IL18RAP: variants seen among roughly 807,000 people sequenced by gnomAD.
IL18RAP encodes interleukin 18 receptor accessory protein.
IL18RAP carries 37 observed loss-of-function variants against 58.1 expected under a neutral mutation model. The ratio of observed to expected loss-of-function variants is 0.64; its 90% CI spans 0.49 to 0.84. IL18RAP has a LOEUF of 0.84. Among genes scored for constraint, IL18RAP ranks in the 40% least tolerant of loss-of-function variants. IL18RAP has a pLI of 0.00. For missense variants in IL18RAP, 667 were observed against 704.8 expected (o/e 0.95, Z 0.61); for synonymous variants, 268 against 257.5 (o/e 1.04, Z -0.39).
chr2:102,424,404 C>T lies in IL18RAP; in HGVS notation c.569C>T (p.Thr190Ile). The change falls in exon 3 of 10, where the codon ACC (threonine) becomes ATC (isoleucine). Residue 190 changes from threonine to isoleucine, a missense_variant. Transcript: ENST00000687160. ...AGTGATGCACAAAGTCCAGCGGTAA[C>T]CTGGTACAAGGTAAGAGTGAATTCT... ...CQSDAQSPAVTWYKNGKLLSV... is the reference protein window; with the variant it reads ...CQSDAQSPAVIWYKNGKLLSV... The T allele has an allele frequency of 1.9e-6, 3 of 1,613,622 alleles. No homozygotes were observed. Among genetic ancestry groups the T allele is most frequent in the Non-Finnish European group, 2.5e-6 (3 of 1,179,664 alleles).
At chr2:102,446,952 T>C (rs1683458536) in intron 7 of IL18RAP, 118 bp from the exon 8 acceptor site, 1 of 1,132,670 alleles carries the variant, frequency 8.8e-7, no homozygotes, top group East Asian at 2.4e-5. Flanking sequence ...GTGGCAATGA[T>C]TTTGATAAAA....
chr2:102,433,788 C>T (rs1682556159), intron 3 of IL18RAP, among the ~76,000 whole-genome samples: 1 of 151,998 alleles, frequency 6.6e-6, no homozygotes, highest in South Asian at 2.1e-4. Flanking sequence ...TCAGGTGATC[C>T]ACCTGCCTCG....
chr2:102,443,470 G>A (rs962476499), intron 6 of IL18RAP, 147 bp downstream of exon 6: 20 of 830,636 alleles, frequency 2.4e-5, no homozygotes, highest in Non-Finnish European at 3.5e-5. Context: ...AAGTGCAAAC[G>A]GCCGTTGAAT....
chr2:102,422,824 T>G (rs372065563), upstream of IL18RAP, among the ~76,000 whole-genome samples: 1 of 152,334 alleles, frequency 6.6e-6, no homozygotes, highest in South Asian at 2.1e-4. Flanking sequence ...GTGAAAAATC[T>G]GACAGTTTTA....
rs866477583 is a variant in IL18RAP at position 102,424,083 on chromosome 2, A to T, written c.343A>T (p.Thr115Ser). The change falls in exon 2 of 10, where the codon ACC becomes TCC. Residue 115 changes from threonine to serine, a missense_variant. By Grantham distance (58) the Thr-to-Ser change is moderately conservative. Transcript: ENST00000687160. The stretch of plus-strand genomic sequence containing the variant: ...GGACAAATGTACCCTTCACTTTTTG[A>T]CCCCAGGGGTGAATAATTCTGGGTC... ...IQDKCTLHFL[T>S]PGVNNSGSYI... 1 of 1,613,914 alleles carries T rather than the reference A, an allele frequency of 6.2e-7. No individual in the cohort carries two copies. The highest frequency in any genetic ancestry group is 1.3e-5 in the African/African-American group (1 of 75,020).
chr2:102,437,149 G>A (rs1295602565), intron 3 of IL18RAP, 63 bp from the exon 4 acceptor site: 3 of 1,475,218 alleles, frequency 2.0e-6, no homozygotes, highest in Non-Finnish European at 2.8e-6. Context: ...TTTTTCTTTA[G>A]GTATGTATTT....
intron 7 of IL18RAP, 87 bp from the exon 8 acceptor site, chr2:102,446,983 C>T (rs748306316): frequency 9.8e-5 from 133 of 1,354,574 alleles, no homozygotes; most frequent in Non-Finnish European, 1.3e-4. Context: ...GGAAAAGGTG[C>T]TGGGTGGGCC....
At chr2:102,437,436 T>A in intron 4 of IL18RAP, 74 bp downstream of exon 4, 2 of 1,460,090 alleles carry the variant, frequency 1.4e-6, no homozygotes, top group Admixed American at 2.0e-5. Flanking sequence ...GCTTAGTAAG[T>A]TTTTCCTCTT....
chr2:102,423,465 A>T, intron 1 of IL18RAP, 118 bp downstream of exon 1: 2 of 921,548 alleles, frequency 2.2e-6, no homozygotes, highest in Non-Finnish European at 3.5e-6. Flanking sequence ...TCCTACTATT[A>T]AAAGGGGACT....
At chr2:102,451,734 C>T (rs760571143) in intron 9 of IL18RAP, 32 bp from the exon 10 acceptor site, 3 of 1,564,482 alleles carry the variant, frequency 1.9e-6, no homozygotes, top group East Asian at 4.5e-5. Context: ...TTAACAATAT[C>T]CATTGCAAAT....
rs11401010 is a variant in IL18RAP at position 102,423,226 on chromosome 2, C to A, written c.-52C>A. The A allele has an allele frequency of 0.077, 119,182 of 1,542,604 alleles. 5,277 individuals are homozygous for A. Among genetic ancestry groups the A allele is most frequent in the Non-Finnish European group, 0.087 (96,726 of 1,115,084 alleles). ...GAGTTCTGAATCTCAAAACACTCTA[C>A]TCTGGCAAAGGAATGAAGTTATTGG... On this transcript the variant is annotated 5_prime_UTR_variant, in exon 1 of 10. Coordinates refer to ENST00000687160, the MANE Select transcript of IL18RAP (RefSeq NM_001393487.1).
chr2:102,420,315 C>T (rs910385045), upstream of IL18RAP, among the ~76,000 whole-genome samples: 1 of 152,186 alleles, frequency 6.6e-6, no homozygotes, highest in African/African-American at 2.4e-5. Context: ...AATGTAGGTT[C>T]CATTGTTCTT....
At chr2:102,451,082 A>G in intron 9 of IL18RAP, 61 bp downstream of exon 9, 4 of 1,360,302 alleles carry the variant, frequency 2.9e-6, no homozygotes, top group Non-Finnish European at 4.0e-6. Flanking sequence ...GCAATCCCCA[A>G]GTCTTTTTTG....
chr2:102,447,706 TTATGTATG>T (rs142110985), intron 8 of IL18RAP, among the ~76,000 whole-genome samples: 51 of 149,344 alleles, frequency 3.4e-4, no homozygotes, highest in Admixed American at 1.1e-3. Flanking sequence ...ATTCATTCAT[TTATGTATG>T]TATGTATGTA....
upstream of IL18RAP, among the ~76,000 whole-genome samples, chr2:102,419,268 A>G (rs1028951738): frequency 1.3e-5 from 2 of 152,250 alleles, no homozygotes; most frequent in African/African-American, 2.4e-5. Flanking sequence ...GATGGCAGGT[A>G]CTACAGCTTC....
intron 7 of IL18RAP, 143 bp downstream of exon 7, chr2:102,445,483 C>A (rs1683358433): frequency 1.2e-6 from 1 of 818,796 alleles, no homozygotes; most frequent in Non-Finnish European, 1.9e-6. Flanking sequence ...CTGGTGTCAA[C>A]CCATTTAATA....
intron 3 of IL18RAP, among the ~76,000 whole-genome samples, chr2:102,433,387 T>G (rs1008522902): frequency 1.1e-4 from 17 of 152,200 alleles, no homozygotes; most frequent in African/African-American, 4.1e-4. Flanking sequence ...TGCACCCAGC[T>G]AATTTTAAAA....
intron 7 of IL18RAP, among the ~76,000 whole-genome samples, chr2:102,445,820 TA>T (rs11334822): frequency 0.51 from 75,485 of 148,798 alleles, 19,810 homozygotes; most frequent in African/African-American, 0.61. Context: ...ACGGATATAT[TA>T]AAAAAAAAAA....
intron 8 of IL18RAP, 75 bp from the exon 9 acceptor site, chr2:102,450,773 G>A (rs1055968789): frequency 1.6e-5 from 12 of 771,286 alleles, no homozygotes; most frequent in Non-Finnish European, 2.2e-5. Flanking sequence ...TATGATTCAA[G>A]CATATGTATG....
Sources: allele counts gnomAD v4.1 joint callset (sites outside exome capture counted in the v4.1 genomes callset), GRCh38; gene constraint gnomAD v4.1.1; transcripts MANE v1.5; gene names NCBI Gene and HGNC (gene_info 2026-07-23, HGNC 2026-07-21).